Variants in OSMR observed in about 807,000 individuals in gnomAD.
OSMR encodes the protein oncostatin M receptor, also known as oncostatin-M-specific receptor subunit beta.
A neutral mutation model predicts 99.9 loss-of-function variants in OSMR; 81 were observed. The ratio of observed to expected loss-of-function variants is 0.81; its 90% CI spans 0.68 to 0.97. OSMR has a LOEUF of 0.97. OSMR is among the 50% of genes least tolerant of loss of function. The pLI is 0.00. For synonymous variants in OSMR, 406 were observed against 410.4 expected, an observed-to-expected ratio of 0.99 and a Z score of 0.13; for missense variants, 1,099 against 1,153.4, an observed-to-expected ratio of 0.95 and a Z score of 0.68.
intron 8 of OSMR, 156 bp downstream of exon 8, chr5:38,904,180 T>C: frequency 1.0e-6 from 1 of 985,280 alleles, no homozygotes; most frequent in Non-Finnish European, 1.2e-6. Context: ...ATCATACACT[T>C]TTATGGTTAG....
At position 38,921,677 on chromosome 5, in the gene OSMR, C is replaced by G. The variant is rs1432649291; in HGVS notation, c.1648C>G (p.Gln550Glu). The stretch of plus-strand genomic sequence containing the variant: ...TGGATTCTCTCTGTCTTGGAAACCC[C>G]AACCTGGAGATGTTATAGGCTATGT... ...EGGFSLSWKP[Q>E]PGDVIGYVVD... is the part of the protein sequence containing the mutation. Residue 550 changes from glutamine to glutamate, a missense_variant, in exon 12 of 18, where the codon CAA becomes GAA. Transcript: ENST00000274276. 1 of 1,614,166 alleles carries G rather than the reference C, an allele frequency of 6.2e-7. No homozygotes were observed. Among genetic ancestry groups the G allele is most frequent in the East Asian group, 2.2e-5 (1 of 44,882 alleles).
intron 17 of OSMR, 41 bp downstream of exon 17, chr5:38,932,576 A>C (rs1746805245): frequency 6.3e-7 from 1 of 1,585,538 alleles, no homozygotes; most frequent in African/African-American, 1.3e-5. Context: ...ATACCTATTA[A>C]GGACTAACCC....
At chr5:38,929,808 G>A (rs1254409970) in intron 15 of OSMR, among the ~76,000 whole-genome samples, 1 of 152,036 alleles carries the variant, frequency 6.6e-6, no homozygotes, top group Non-Finnish European at 1.5e-5. Flanking sequence ...ACTATGCAAA[G>A]GAAAAAAATA....
chr5:38,852,017 C>A (rs1423154531), intron 1 of OSMR, among the ~76,000 whole-genome samples: 3 of 152,222 alleles, frequency 2.0e-5, no homozygotes, highest in Admixed American at 6.5e-5. Flanking sequence ...AAACCTCTTT[C>A]TTTTGTAAAT....
At chr5:38,942,200 AC>A (rs1326716365) in intron 1 of OSMR, 2 of 631,680 alleles carry the variant, frequency 3.2e-6, no homozygotes, top group Non-Finnish European at 5.7e-6. Context: ...TACAGAAGAT[AC>A]TCCTGTCTTT....
Position 38,907,424 on chromosome 5 carries a change from A to G in OSMR, c.1285+2921A>G, listed in dbSNP as rs533799718. On this transcript the variant is annotated intron_variant, in intron 9 of 17. Transcript: ENST00000274276. ...GGCCCAGAGGGTTTGGTGCAGAAAC[A>G]TCTGCAGTGGAGCATGGCCAGGGAC... is the stretch of plus-strand genomic sequence containing the variant. 7.5e-4 allele frequency among the ~76,000 whole-genome samples: 114 copies of G among 152,338 alleles called. 1 individual carries two copies. In the Middle Eastern group the frequency reaches 0.017, roughly 23 times the overall value.
intron 9 of OSMR, among the ~76,000 whole-genome samples, chr5:38,911,281 TCA>T (rs1491314728): frequency 2.6e-5 from 4 of 152,070 alleles, no homozygotes; most frequent in Admixed American, 2.0e-4. Context: ...ACAAAAACTC[TCA>T]GAGATTACTG....
In OSMR at chr5:38,933,336, G is replaced by A; in HGVS notation, c.2832G>A (p.Glu944=). The part of the protein sequence containing the change: ...TNPVEAPHCS[E]YKMQMAVSLR... ...CAGTAGAGGCACCACACTGTTCAGA[G>A]TATAAAATGCAAATGGCAGTCTCCC... The change falls in exon 18 of 18, where the codon GAG becomes GAA. Residue 944 remains glutamate, a synonymous_variant. Coordinates refer to ENST00000274276, the MANE Select transcript of OSMR (RefSeq NM_003999.3). 6.2e-7 allele frequency: 1 copy of A among 1,614,172 alleles called. No homozygotes were observed. The highest frequency in any genetic ancestry group is 8.5e-7 in the Non-Finnish European group (1 of 1,180,016).
chr5:38,923,020 C>G (rs1376179776), intron 12 of OSMR, 130 bp from the exon 13 acceptor site: 4 of 1,037,354 alleles, frequency 3.9e-6, no homozygotes, highest in Non-Finnish European at 5.7e-6. Flanking sequence ...AAGTGATCCG[C>G]CTGCCTCGGC....
intron 2 of OSMR, chr5:38,944,672 A>T: frequency 9.5e-7 from 1 of 1,054,334 alleles, no homozygotes. Flanking sequence ...CCTAGAGATC[A>T]ATTACACATG....
chr5:38,933,751 A>G lies in OSMR; in HGVS notation c.*307A>G. 2.4e-6 allele frequency: 1 copy of G among 414,286 alleles called. No homozygotes were observed. The highest frequency in any genetic ancestry group is 4.5e-6 in the Non-Finnish European group (1 of 222,032). 25.7% of individuals were successfully genotyped at this position (414,286 alleles called of 1,614,324 possible). A position where few individuals can be genotyped will look rare whatever the true frequency, so the allele number is the denominator to read the frequency against. On this transcript the variant is annotated 3_prime_UTR_variant, in exon 18 of 18. Transcript: ENST00000274276. ...TAAGGATATGCATTAACCACTCTACAGACTCCCACTCAGTACTGTACAGGG... is the reference window on the plus strand; with the variant it reads ...TAAGGATATGCATTAACCACTCTACGGACTCCCACTCAGTACTGTACAGGG...
chr5:38,919,443 T>A, intron 11 of OSMR: 1 of 964,380 alleles, frequency 1.0e-6, no homozygotes, highest in South Asian at 1.5e-5. Context: ...AAAAGTGTTG[T>A]CAGTCTTTGC....
In OSMR at chr5:38,846,093, C is replaced by G. The variant is rs1739780088; in HGVS notation, c.-308C>G. 2.6e-5 allele frequency: 4 copies of G among 152,462 alleles called. No homozygotes were observed. In the South Asian group the frequency reaches 8.3e-4, roughly 32 times the overall value. 9.4% of individuals were successfully genotyped at this position (152,462 alleles called of 1,614,324 possible). ...CCCGCGCCCCACGCGCCGCCGAGGACTCGGCCCGGCTCGTGGAGCCCTTCG... is the reference window on the plus strand; with the variant it reads ...CCCGCGCCCCACGCGCCGCCGAGGAGTCGGCCCGGCTCGTGGAGCCCTTCG... On this transcript the variant is annotated 5_prime_UTR_variant, in exon 1 of 18. Transcript: ENST00000274276.
At chr5:38,880,115 G>T (rs547394096) in intron 3 of OSMR, among the ~76,000 whole-genome samples, 2 of 152,152 alleles carry the variant, frequency 1.3e-5, no homozygotes, top group Admixed American at 6.5e-5. Context: ...TGCCCCCTGG[G>T]TGGACCAGGA....
intron 1 of OSMR, among the ~76,000 whole-genome samples, chr5:38,849,394 T>TA (rs1357062717): frequency 6.6e-6 from 1 of 152,248 alleles, no homozygotes; most frequent in Non-Finnish European, 1.5e-5. Context: ...ATTCTGTTTT[T>TA]ATCATTAAAT....
At chr5:38,853,052 CT>C (rs936084779) in intron 1 of OSMR, among the ~76,000 whole-genome samples, 1 of 152,132 alleles carries the variant, frequency 6.6e-6, no homozygotes, top group Non-Finnish European at 1.5e-5. Context: ...ATTTAAAGCA[CT>C]AAAATGTTTC....
rs567996061 is a variant in OSMR at position 38,904,146 on chromosome 5, T to A, written c.1134+122T>A. 7 of 1,537,256 alleles carry A rather than the reference T, an allele frequency of 4.6e-6. No homozygotes were observed. The African/African-American group carries it at 9.7e-5, about 21-fold the overall frequency. On this transcript the variant is annotated intron_variant, in intron 8 of 17. Coordinates refer to ENST00000274276, the MANE Select transcript of OSMR (RefSeq NM_003999.3). ...GTAGGTTCAAATGGTGTGGGTCATC[T>A]GTTTTAAAAGGTCCATGAAATTAAT...
At chr5:38,852,856 G>A (rs549901128) in intron 1 of OSMR, among the ~76,000 whole-genome samples, 8 of 146,364 alleles carry the variant, frequency 5.5e-5, no homozygotes, top group Middle Eastern at 3.7e-3. Context: ...TCAGCCTCCC[G>A]AGTAGCTGGG....
chr5:38,889,550 T>A (rs951386091), intron 7 of OSMR, among the ~76,000 whole-genome samples: 3 of 152,162 alleles, frequency 2.0e-5, no homozygotes, highest in African/African-American at 7.2e-5. Flanking sequence ...AAATCTGATT[T>A]ATATTGTTCT....
Sources: allele counts gnomAD v4.1 joint callset (sites outside exome capture counted in the v4.1 genomes callset), GRCh38; gene constraint gnomAD v4.1.1; transcripts MANE v1.5; gene names NCBI Gene and HGNC (gene_info 2026-07-23, HGNC 2026-07-21).